The following TENM3 variants were observed in gnomAD, a reference collection of about 807,000 sequenced individuals.
The protein encoded by TENM3 is teneurin-3.
In TENM3, 63 loss-of-function variants were observed where a neutral mutation model predicts 255.1. The observed-to-expected ratio is 0.25, with a 90% CI of 0.20 to 0.30. TENM3 has a LOEUF of 0.30. Among genes scored for constraint, TENM3 ranks in the 10% least tolerant of loss-of-function variants. The pLI, the probability that TENM3 is intolerant of heterozygous loss-of-function variation, is 1.00. For missense variants in TENM3, 2,929 were observed against 3,461.1 expected (o/e 0.85, Z 3.86); for synonymous variants, 1,306 against 1,322.3 (o/e 0.99, Z 0.27).
chr4:182,119,848 C>T, the TENM3 span, among the ~76,000 whole-genome samples: 1 of 152,058 alleles, frequency 6.6e-6, no homozygotes, highest in African/African-American at 2.4e-5. Flanking sequence ...ACTACAAGTA[C>T]ATACCACCGT....
At chr4:182,352,304 C>G (rs978124279) in intron 3 of TENM3, among the ~76,000 whole-genome samples, 3 of 152,158 alleles carry the variant, frequency 2.0e-5, no homozygotes, top group Non-Finnish European at 2.9e-5. Flanking sequence ...AATGAATGTA[C>G]ATTGAATGGT....
the TENM3 span, among the ~76,000 whole-genome samples, chr4:182,099,556 G>A: frequency 6.6e-6 from 1 of 152,072 alleles, no homozygotes; most frequent in Non-Finnish European, 1.5e-5. Context: ...ACCATGTTGA[G>A]CCTATAGGAA....
At chr4:182,340,226 G>A (rs1355590673) in intron 2 of TENM3, among the ~76,000 whole-genome samples, 1 of 152,078 alleles carries the variant, frequency 6.6e-6, no homozygotes, top group African/African-American at 2.4e-5. Flanking sequence ...ACCTCCTCAA[G>A]TTCACCTTAG....
chr4:182,742,882 G>C (rs979607080), intron 18 of TENM3, among the ~76,000 whole-genome samples: 1 of 152,180 alleles, frequency 6.6e-6, no homozygotes, highest in Non-Finnish European at 1.5e-5. Context: ...GATCATCACT[G>C]ATGTTGAGAA....
the TENM3 span, among the ~76,000 whole-genome samples, chr4:181,685,006 T>G: frequency 7.0e-6 from 1 of 143,332 alleles, no homozygotes; most frequent in Non-Finnish European, 1.5e-5. Flanking sequence ...GCTCAAATGA[T>G]CCTCCCACCA....
intron 3 of TENM3, among the ~76,000 whole-genome samples, chr4:182,383,584 A>G (rs565109214): frequency 6.6e-6 from 1 of 152,236 alleles, no homozygotes; most frequent in African/African-American, 2.4e-5. Context: ...AATAGTGAAT[A>G]TAATACCCAA....
chr4:181,612,490 A>ATGTGTGTG, the TENM3 span, among the ~76,000 whole-genome samples: 2,048 of 148,424 alleles, frequency 0.014, 18 homozygotes, highest in Non-Finnish European at 0.018. Flanking sequence ...TTTGGTTAAG[A>ATGTGTGTG]TGTGTGTGTG....
At chr4:181,825,374 C>A in the TENM3 span, among the ~76,000 whole-genome samples, 1 of 120,906 alleles carries the variant, frequency 8.3e-6, no homozygotes, top group African/African-American at 3.2e-5. Context: ...GCACTTCAGC[C>A]TGGGTGATAG....
At chr4:182,741,250 G>A (rs1180014742) in intron 18 of TENM3, among the ~76,000 whole-genome samples, 1 of 152,180 alleles carries the variant, frequency 6.6e-6, no homozygotes, top group Non-Finnish European at 1.5e-5. Context: ...TGAACAGATT[G>A]CAGTTTAGAA....
Position 182,799,680 on chromosome 4 carries a change from CGGCGCCG to C in TENM3, c.7433_7439del (p.Arg2478ProfsTer16). The C allele has an allele frequency of 6.5e-7, 1 of 1,548,810 alleles. No homozygotes were observed. The highest frequency in any genetic ancestry group is 8.7e-7 in the Non-Finnish European group (1 of 1,146,528). ...GAAGATGGCCGAGGTGCAGGTGAGC[CGGCGCCG>C]GGCCGGCGGCGCGCAGTCCTGGCTG... On this transcript the variant is annotated frameshift_variant, in exon 28 of 28. Coordinates refer to ENST00000511685, the MANE Select transcript of TENM3 (RefSeq NM_001080477.4). LOFTEE classifies it high-confidence loss of function. The surrounding 1 kb of genome is among the most constrained non-coding windows in gnomAD (Gnocchi z 4.2).
At chr4:182,165,973 T>A (rs1293010811) in intron 1 of TENM3, among the ~76,000 whole-genome samples, 1 of 151,678 alleles carries the variant, frequency 6.6e-6, no homozygotes. Flanking sequence ...AGAGACGGGG[T>A]TTCACCGCAT....
chr4:182,352,306 T>A (rs1016941974), intron 3 of TENM3, among the ~76,000 whole-genome samples: 1 of 152,138 alleles, frequency 6.6e-6, no homozygotes, highest in Non-Finnish European at 1.5e-5. Context: ...TGAATGTACA[T>A]TGAATGGTGC....
chr4:182,100,494 T>C, the TENM3 span, among the ~76,000 whole-genome samples: 21,623 of 133,396 alleles, frequency 0.16, 2,151 homozygotes, highest in Non-Finnish European at 0.17. Context: ...TATATATATA[T>C]ACACACACAC....
the TENM3 span, among the ~76,000 whole-genome samples, chr4:182,014,162 A>G: frequency 5.5e-4 from 81 of 147,642 alleles, 2 homozygotes; most frequent in Middle Eastern, 3.6e-3. Context: ...ATATATATAC[A>G]TATATATACA....
chr4:182,220,376 C>CAGA (rs1554033936), intron 1 of TENM3, among the ~76,000 whole-genome samples: 2 of 11,206 alleles, frequency 1.8e-4, no homozygotes, highest in Non-Finnish European at 2.4e-4. Flanking sequence ...GACTCTGTCT[C>CAGA]ACAAAAAAAA....
chr4:182,597,929 C>T (rs1747425037), intron 3 of TENM3, among the ~76,000 whole-genome samples: 1 of 152,200 alleles, frequency 6.6e-6, no homozygotes, highest in African/African-American at 2.4e-5. Flanking sequence ...CCTGTAATCC[C>T]AGCACCTTCA....
chr4:181,654,100 A>G, the TENM3 span, among the ~76,000 whole-genome samples: 1 of 151,928 alleles, frequency 6.6e-6, no homozygotes, highest in Admixed American at 6.6e-5. Context: ...CAGGACTAAT[A>G]TAAGTCTAGC....
the TENM3 span, among the ~76,000 whole-genome samples, chr4:181,454,682 C>CTTTTTTTTTTTTTTTTACCATTTTTATAA: frequency 6.8e-6 from 1 of 148,140 alleles, no homozygotes; most frequent in African/African-American, 2.5e-5. Flanking sequence ...CATTTTTATA[C>CTTTTTTTTTTTTTTTTACCATTTTTATAA]TTTTTTTTTC....
At chr4:182,552,497 A>G (rs959444751) in intron 3 of TENM3, among the ~76,000 whole-genome samples, 8 of 152,198 alleles carry the variant, frequency 5.3e-5, no homozygotes, top group African/African-American at 1.7e-4. Context: ...TTGAACCTTT[A>G]TCTGAATTCA....
Sources: allele counts gnomAD v4.1 joint callset (sites outside exome capture counted in the v4.1 genomes callset), GRCh38; gene constraint gnomAD v4.1.1; non-coding constraint Gnocchi (gnomAD v3.1); transcripts MANE v1.5; gene names NCBI Gene and HGNC (gene_info 2026-07-23, HGNC 2026-07-21).